CALD1: variants seen among roughly 807,000 people sequenced by gnomAD.
CALD1 encodes the protein caldesmon 1, also known as caldesmon.
Under a neutral mutation model 99.9 loss-of-function variants are expected in CALD1, and 33 were observed. The ratio of observed to expected loss-of-function variants is 0.33; its 90% confidence interval spans 0.25 to 0.44. CALD1 has a LOEUF of 0.44. CALD1 is among the 20% of genes least tolerant of loss of function. The pLI is 1.00. For synonymous variants in CALD1, 310 were observed against 325.0 expected (o/e 0.95, Z 0.50); for missense variants, 861 against 962.1 (o/e 0.89, Z 1.39).
chr7:134,867,897 T>A, intron 3 of CALD1, 93 bp downstream of exon 3: 1 of 652,416 alleles, frequency 1.5e-6, no homozygotes, highest in Non-Finnish European at 2.6e-6. Flanking sequence ...CCAAATGTGG[T>A]CATATCGCAC....
intron 3 of CALD1, among the ~76,000 whole-genome samples, chr7:134,877,992 C>T (rs1348377974): frequency 6.6e-6 from 1 of 152,132 alleles, no homozygotes; most frequent in African/African-American, 2.4e-5. Flanking sequence ...CATCCTAATG[C>T]GTATCCTATA....
the CALD1 span, among the ~76,000 whole-genome samples, chr7:134,734,313 A>C: frequency 6.6e-6 from 1 of 151,872 alleles, no homozygotes; most frequent in African/African-American, 2.4e-5. Context: ...CTAGGAGTGC[A>C]CTACTTTGTA....
intron 1 of CALD1, among the ~76,000 whole-genome samples, chr7:134,801,503 T>C (rs1797940119): frequency 6.6e-6 from 1 of 152,262 alleles, no homozygotes; most frequent in African/African-American, 2.4e-5. Flanking sequence ...TCTTAGACTT[T>C]GTAAAAATAC....
intron 1 of CALD1, among the ~76,000 whole-genome samples, chr7:134,797,844 G>A (rs914102769): frequency 2.0e-5 from 3 of 152,080 alleles, no homozygotes; most frequent in Admixed American, 6.5e-5. Context: ...CACCTGACTC[G>A]GCTTCCCAAA....
intron 2 of CALD1, among the ~76,000 whole-genome samples, chr7:134,847,040 T>C (rs1299386843): frequency 2.0e-5 from 3 of 152,200 alleles, no homozygotes; most frequent in Non-Finnish European, 4.4e-5. Context: ...TGTGTTTCAT[T>C]AATTTCAGTC....
intron 1 of CALD1, among the ~76,000 whole-genome samples, chr7:134,815,098 T>C (rs1798508079): frequency 6.6e-6 from 1 of 152,206 alleles, no homozygotes; most frequent in African/African-American, 2.4e-5. Context: ...CACAGTACTT[T>C]TGACTAGGTT....
chr7:134,852,007 A>G (rs950609603), intron 2 of CALD1, among the ~76,000 whole-genome samples: 1 of 152,222 alleles, frequency 6.6e-6, no homozygotes, highest in African/African-American at 2.4e-5. Context: ...ATAACTGCAC[A>G]GCAAAGTACT....
intron 5 of CALD1, among the ~76,000 whole-genome samples, chr7:134,935,064 T>C (rs991947511): frequency 1.3e-5 from 2 of 152,194 alleles, no homozygotes; most frequent in Non-Finnish European, 2.9e-5. Context: ...TAGGGTAGTA[T>C]TGATTTATAT....
chr7:134,750,347 T>A (rs1796674890), intron 1 of CALD1, among the ~76,000 whole-genome samples: 1 of 152,090 alleles, frequency 6.6e-6, no homozygotes, highest in Non-Finnish European at 1.5e-5. Context: ...CTAGCCTCAG[T>A]GGAATACAGG....
intron 3 of CALD1, chr7:134,920,580 G>A: frequency 7.8e-7 from 1 of 1,288,084 alleles, no homozygotes; most frequent in African/African-American, 1.5e-5. Flanking sequence ...GTTCTGGATT[G>A]AGTATCTCAG....
intron 13 of CALD1, chr7:134,965,082 C>A: frequency 2.4e-6 from 1 of 413,798 alleles, no homozygotes; most frequent in Non-Finnish European, 4.5e-6. Flanking sequence ...CGCCACTACA[C>A]TCCAGCTTGG....
Position 134,935,644 on chromosome 7 carries a change from G to T in CALD1, c.1309-44G>T, listed in dbSNP as rs1385608972. ...CTGTCACTCTTGTAAACTAGAAAGG[G>T]CTTCTTTTACTTGTGTGACCTTACC... On this transcript the variant is annotated intron_variant, in intron 5 of 14. Coordinates refer to ENST00000361675, the MANE Select transcript of CALD1 (RefSeq NM_033138.4). 4 of 1,573,790 alleles carry T rather than the reference G, an allele frequency of 2.5e-6. No individual in the cohort carries two copies. In the South Asian group the frequency reaches 4.8e-5, roughly 19 times the overall value.
chr7:134,963,470 T>G (rs1205892476), intron 13 of CALD1, among the ~76,000 whole-genome samples: 1 of 152,232 alleles, frequency 6.6e-6, no homozygotes, highest in African/African-American at 2.4e-5. Flanking sequence ...TCCATTTAGA[T>G]CAGTGTCCAC....
At chr7:134,837,165 T>C (rs1020618951) in intron 1 of CALD1, among the ~76,000 whole-genome samples, 1 of 152,122 alleles carries the variant, frequency 6.6e-6, no homozygotes, top group African/African-American at 2.4e-5. Context: ...TGGGACCTGA[T>C]GGCTTAGAAA....
At chr7:134,897,362 A>G (rs1286822454) in intron 3 of CALD1, among the ~76,000 whole-genome samples, 3 of 148,884 alleles carry the variant, frequency 2.0e-5, no homozygotes, top group African/African-American at 7.4e-5. Flanking sequence ...TTGTAACCCC[A>G]GTACCTATAT....
In CALD1 at chr7:134,957,195, A is replaced by G. The variant is rs534150025; in HGVS notation, c.1936-874A>G. On this transcript the variant is annotated intron_variant, in intron 9 of 14. Coordinates refer to ENST00000361675, the MANE Select transcript of CALD1 (RefSeq NM_033138.4). ...TTACGTTCCAAGGCTAATTAAGTTC[A>G]GCAATAGGCTTGATCATTGACCCTT... Among the ~76,000 whole-genome samples, 5 of 152,288 alleles carry G rather than the reference A, an allele frequency of 3.3e-5. 1 individual carries two copies. The South Asian group carries it at 1.0e-3, about 32-fold the overall frequency.
chr7:134,840,690 G>A (rs1322527492), intron 1 of CALD1, among the ~76,000 whole-genome samples: 1 of 152,210 alleles, frequency 6.6e-6, no homozygotes. Context: ...GCTGCTCCAT[G>A]TATCCTGTCA....
chr7:134,908,291 A>G (rs144099734), intron 3 of CALD1, among the ~76,000 whole-genome samples: 71 of 152,348 alleles, frequency 4.7e-4, no homozygotes, highest in African/African-American at 1.7e-3. Flanking sequence ...CTATGCAACA[A>G]TATTAAGTAA....
At chr7:134,774,876 A>G (rs1033212494), upstream of CALD1, among the ~76,000 whole-genome samples, 4 of 152,092 alleles carry the variant, frequency 2.6e-5, no homozygotes, top group Non-Finnish European at 5.9e-5. Context: ...TTTATTTATG[A>G]TTTTTTTATT....
Sources: allele counts gnomAD v4.1 joint callset (sites outside exome capture counted in the v4.1 genomes callset), GRCh38; gene constraint gnomAD v4.1.1; transcripts MANE v1.5; gene names NCBI Gene and HGNC (gene_info 2026-07-23, HGNC 2026-07-21).